The following MID1 variants were observed in gnomAD, a reference collection of about 807,000 sequenced individuals.
The protein encoded by MID1 is midline 1, also known as E3 ubiquitin-protein ligase Midline-1.
Under a neutral mutation model 40.4 loss-of-function variants are expected in MID1, and 7 were observed. The observed-to-expected ratio is 0.17, with a 90% confidence interval of 0.10 to 0.33. MID1 has a LOEUF of 0.33. MID1 is among the 10% of genes least tolerant of loss of function. The pLI, the probability that MID1 is intolerant of heterozygous loss-of-function variation, is 1.00. For missense variants in MID1, 367 were observed against 558.5 expected (o/e 0.66, Z 3.46); for synonymous variants, 229 against 221.2 (o/e 1.04, Z -0.31).
At chrX:10,697,153 T>A (rs2043167598) in intron 1 of MID1, among the ~76,000 whole-genome samples, 1 of 111,747 alleles carries the variant, frequency 8.9e-6, no homozygotes, top group Non-Finnish European at 1.9e-5. Context: ...CCAGGTGGTT[T>A]TGCTTTTTAG....
Position 10,506,269 on chromosome X carries a change from C to T in MID1, c.757-10578G>A, listed in dbSNP as rs951219239. The T allele has an allele frequency of 5.0e-6, 5 of 1,007,472 alleles. No individual in the cohort carries two copies. The Admixed American group carries it at 2.3e-4, about 46-fold the overall frequency. The allele number at this position is 1,007,472 out of a possible 1,213,427, so 83.0% of individuals were successfully genotyped here. A position where few individuals can be genotyped will look rare whatever the true frequency, so the allele number is the denominator to read the frequency against. ...GACTAGAAAAAGAGACTTGTGCTAT[C>T]ATTTCATTTTAGACATGGTTGGCAG... On this transcript the variant is annotated intron_variant, in intron 3 of 9. Coordinates refer to ENST00000317552, the MANE Select transcript of MID1 (RefSeq NM_000381.4).
intron 2 of MID1, among the ~76,000 whole-genome samples, chrX:10,542,108 A>T (rs186263247): frequency 8.9e-6 from 1 of 112,232 alleles, no homozygotes; most frequent in Non-Finnish European, 1.9e-5. Context: ...TAGAATTTTA[A>T]CCTAAATTAA....
chrX:10,636,692 A>C (rs1936114613), intron 1 of MID1, among the ~76,000 whole-genome samples: 1 of 103,509 alleles, frequency 9.7e-6, no homozygotes, highest in South Asian at 4.5e-4. Flanking sequence ...AGAATTGATT[A>C]GGTTGGAATT....
At chrX:10,643,210 C>T (rs772607564) in intron 1 of MID1, among the ~76,000 whole-genome samples, 1 of 110,966 alleles carries the variant, frequency 9.0e-6, no homozygotes, top group Non-Finnish European at 1.9e-5. Flanking sequence ...AAGAAACTAC[C>T]ATCAGAGTGA....
At chrX:10,487,746 T>A (rs1434305437) in intron 4 of MID1, among the ~76,000 whole-genome samples, 2 of 111,673 alleles carry the variant, frequency 1.8e-5, no homozygotes, top group Non-Finnish European at 3.8e-5. Context: ...AATCTACTCA[T>A]ACAGAATATA....
At chrX:10,810,142 A>G (rs1258819884) in intron 1 of MID1, among the ~76,000 whole-genome samples, 1 of 111,441 alleles carries the variant, frequency 9.0e-6, no homozygotes, top group African/African-American at 3.3e-5. Flanking sequence ...CCAAACAGAA[A>G]CTGTGTTCAT....
chrX:10,806,006 C>A (rs1316698872), intron 1 of MID1, among the ~76,000 whole-genome samples: 2 of 106,927 alleles, frequency 1.9e-5, no homozygotes, highest in Admixed American at 2.0e-4. Context: ...CGAAAATTTT[C>A]TCCCATTTTG....
chrX:10,749,584 A>T (rs1344131254), intron 1 of MID1, among the ~76,000 whole-genome samples: 2 of 111,956 alleles, frequency 1.8e-5, no homozygotes, highest in East Asian at 5.6e-4. Context: ...TAAAGACAAG[A>T]GGTTTGATTG....
intron 1 of MID1, among the ~76,000 whole-genome samples, chrX:10,754,224 C>T (rs2043616307): frequency 9.0e-6 from 1 of 111,591 alleles, no homozygotes; most frequent in South Asian, 3.7e-4. Flanking sequence ...TATTGTTGAA[C>T]TGAAGACATT....
chrX:10,451,517 A>G (rs7881983), intron 9 of MID1, among the ~76,000 whole-genome samples: 5,828 of 111,090 alleles, frequency 0.052, 361 homozygotes, highest in African/African-American at 0.18. Flanking sequence ...CTTCTGTGGC[A>G]TGCATCGAGG....
chrX:10,584,132 T>G (rs1473653019), intron 1 of MID1, among the ~76,000 whole-genome samples: 1 of 111,163 alleles, frequency 9.0e-6, no homozygotes, highest in Non-Finnish European at 1.9e-5. Context: ...AGGAATGCTA[T>G]GTCCTCACAT....
intron 1 of MID1, among the ~76,000 whole-genome samples, chrX:10,720,141 A>G (rs1461099530): frequency 8.9e-6 from 1 of 112,048 alleles, no homozygotes; most frequent in African/African-American, 3.2e-5. Flanking sequence ...GGCATGGGCA[A>G]GGACTTCATG....
At chrX:10,719,215 G>A (rs1430912991) in intron 1 of MID1, among the ~76,000 whole-genome samples, 27 of 105,228 alleles carry the variant, frequency 2.6e-4, no homozygotes, top group Admixed American at 5.2e-4. Flanking sequence ...GGCAGGAGAA[G>A]GAAATAAAGG....
intron 1 of MID1, among the ~76,000 whole-genome samples, chrX:10,572,187 TACACACACACACACAC>T (rs376684211): frequency 4.4e-5 from 4 of 90,992 alleles, no homozygotes; most frequent in Non-Finnish European, 8.9e-5. Context: ...ATGTATCTAA[TACACACACACACACAC>T]ACACACACAC....
rs1046676567 is a variant in MID1, at chrX:10,701,022, T to A, written c.-186-80603A>T. On this transcript the variant is annotated intron_variant, in intron 1 of 10. Coordinates refer to the MID1 transcript ENST00000380785. ...CACTTACTTACTTTTTTGTTTTTTT[T>A]AAATGTAAAATCCAGAACAGGCAAA... 1.1e-4 allele frequency among the ~76,000 whole-genome samples: 12 copies of A among 111,909 alleles called. No homozygotes were observed. In the South Asian group the frequency reaches 1.1e-3, roughly 10 times the overall value.
At chrX:10,495,178 C>A (rs1931180395) in intron 4 of MID1, among the ~76,000 whole-genome samples, 1 of 111,801 alleles carries the variant, frequency 8.9e-6, no homozygotes, top group Non-Finnish European at 1.9e-5. Context: ...TTCATAATTT[C>A]TATAAATAAA....
intron 6 of MID1, 43 bp from the exon 7 acceptor site, chrX:10,469,883 A>T: frequency 8.7e-7 from 1 of 1,149,957 alleles, no homozygotes; most frequent in Non-Finnish European, 1.2e-6. Flanking sequence ...AGCACACACA[A>T]CTGGGATACC....
intron 2 of MID1, among the ~76,000 whole-genome samples, chrX:10,556,588 G>T (rs1934131061): frequency 8.9e-6 from 1 of 112,066 alleles, no homozygotes; most frequent in Non-Finnish European, 1.9e-5. Context: ...TTACACCAAT[G>T]AAGGTTTTAT....
rs780024548 is a variant in MID1, at chrX:10,475,011, C to T, written c.1014-261G>A. 5.1e-5 allele frequency: 21 copies of T among 408,165 alleles called. No homozygotes were observed. In the Middle Eastern group the frequency reaches 2.6e-3, roughly 51 times the overall value. The allele number at this position is 408,165 out of a possible 1,213,427, so 33.6% of individuals were successfully genotyped here. ...TACTATCAGGAAAAAAAATTCCCTG[C>T]GAAAGCAAAAGAATATTCATATTTC... On this transcript the variant is annotated intron_variant, in intron 5 of 9. Transcript: ENST00000317552.
Sources: allele counts gnomAD v4.1 joint callset (sites outside exome capture counted in the v4.1 genomes callset), GRCh38; gene constraint gnomAD v4.1.1; transcripts MANE v1.5; gene names NCBI Gene and HGNC (gene_info 2026-07-23, HGNC 2026-07-21).